Variants in IRAG1 observed in about 807,000 individuals in gnomAD.
IRAG1 encodes inositol 1,4,5-triphosphate receptor associated 1, also known as IP3R-associated cGMP kinase substrate.
IRAG1 carries 62 observed loss-of-function variants against 106.2 expected under a neutral mutation model. The ratio of observed to expected loss-of-function variants is 0.58; its 90% CI spans 0.48 to 0.72. IRAG1 has a LOEUF of 0.72. Among genes scored for constraint, IRAG1 ranks in the 30% least tolerant of loss-of-function variants. IRAG1 has a pLI of 0.00. For synonymous variants in IRAG1, 462 were observed against 443.9 expected (o/e 1.04, Z -0.51); for missense variants, 1,064 against 1,140.7 (o/e 0.93, Z 0.97).
chr11:10,679,545 C>T (rs183825328), intron 1 of IRAG1, among the ~76,000 whole-genome samples: 4 of 152,322 alleles, frequency 2.6e-5, no homozygotes, highest in East Asian at 3.9e-4. Context: ...GGATTGAAGC[C>T]GTCAGAGCCC....
rs1450758722 is a variant in IRAG1 at position 10,647,883 on chromosome 11, G to A, written c.225+4142C>T. ...AGACTGAAGAAACTAGAGAAAAAGA[G>A]ACTCTGAGAAGACTCAGAACTGCCT... On this transcript the variant is annotated intron_variant, in intron 2 of 20. Transcript: ENST00000423302. The surrounding 1 kb of genome is among the most constrained non-coding windows in gnomAD (Gnocchi z 4.3). 1.3e-5 allele frequency among the ~76,000 whole-genome samples: 2 copies of A among 152,176 alleles called. No individual in the cohort carries two copies. Among genetic ancestry groups the A allele is most frequent in the Non-Finnish European group, 2.9e-5 (2 of 68,036 alleles).
At chr11:10,680,435 A>G (rs1168745139) in intron 1 of IRAG1, among the ~76,000 whole-genome samples, 1 of 147,326 alleles carries the variant, frequency 6.8e-6, no homozygotes, top group African/African-American at 2.5e-5. Flanking sequence ...AAGAGAGGGA[A>G]GGAAGGAAAG....
At chr11:10,649,533 G>C (rs1352907326) in intron 2 of IRAG1, among the ~76,000 whole-genome samples, 2 of 152,194 alleles carry the variant, frequency 1.3e-5, no homozygotes, top group African/African-American at 4.8e-5. Flanking sequence ...ATGTAGAGGA[G>C]CTGGGATTGA....
chr11:10,603,545 G>A (rs1591592131), intron 13 of IRAG1, among the ~76,000 whole-genome samples: 1 of 152,226 alleles, frequency 6.6e-6, no homozygotes, highest in East Asian at 1.9e-4. Flanking sequence ...CATGCTCTCA[G>A]GCAGCTCACC....
chr11:10,627,761 C>T lies in IRAG1; in HGVS notation c.706-1G>A, dbSNP rs762695681. On this transcript the variant is annotated splice_acceptor_variant, in intron 7 of 20. Coordinates refer to ENST00000423302, the MANE Select transcript of IRAG1 (RefSeq NM_130385.4). LOFTEE classifies it high-confidence loss of function. ...AAGAGACGTCGGCCTCATCCCCCTTCTGCTGGAGAAGGTGAACAGGAGTCA... is the reference window on the plus strand; with the variant it reads ...AAGAGACGTCGGCCTCATCCCCCTTTTGCTGGAGAAGGTGAACAGGAGTCA... The T allele has an allele frequency of 8.1e-6, 13 of 1,613,990 alleles. No homozygotes were observed. The South Asian group carries it at 1.2e-4, about 15-fold the overall frequency.
At chr11:10,664,037 A>G (rs722274) in intron 1 of IRAG1, among the ~76,000 whole-genome samples, 41,414 of 152,004 alleles carry the variant, frequency 0.27, 6,806 homozygotes, top group East Asian at 0.81. Flanking sequence ...CTTAGCAAAG[A>G]CAGAACAAGG....
At chr11:10,582,703 C>G (rs1851519433) in intron 18 of IRAG1, among the ~76,000 whole-genome samples, 1 of 152,090 alleles carries the variant, frequency 6.6e-6, no homozygotes, top group Admixed American at 6.5e-5. Context: ...TGCTTGTAAT[C>G]CCAGCACTTT....
chr11:10,577,972 A>C (rs1591527928), intron 20 of IRAG1, among the ~76,000 whole-genome samples: 1 of 152,342 alleles, frequency 6.6e-6, no homozygotes, highest in East Asian at 1.9e-4. Context: ...GATTCTCTAG[A>C]TTCTATTTAG....
intron 2 of IRAG1, among the ~76,000 whole-genome samples, chr11:10,645,093 CT>C (rs1281292728): frequency 6.6e-6 from 1 of 152,146 alleles, no homozygotes; most frequent in East Asian, 1.9e-4. Context: ...AGTGAGCTTC[CT>C]GAGAGCAGGA....
intron 2 of IRAG1, among the ~76,000 whole-genome samples, chr11:10,635,589 G>T (rs1490112723): frequency 6.6e-6 from 1 of 152,264 alleles, no homozygotes; most frequent in African/African-American, 2.4e-5. Flanking sequence ...GTGTGCAGGT[G>T]TTGGTTCCCT....
chr11:10,634,969 G>C (rs1260437547), intron 2 of IRAG1, among the ~76,000 whole-genome samples: 1 of 152,176 alleles, frequency 6.6e-6, no homozygotes, highest in Non-Finnish European at 1.5e-5. Context: ...CCTCACCTGA[G>C]CTTAACACGG....
intron 10 of IRAG1, among the ~76,000 whole-genome samples, chr11:10,615,224 A>G (rs1855300112): frequency 6.6e-6 from 1 of 152,226 alleles, no homozygotes; most frequent in Non-Finnish European, 1.5e-5. Flanking sequence ...AATCAAAACC[A>G]CAATGAGATA....
At chr11:10,582,084 G>T (rs775423489) in intron 18 of IRAG1, 98 bp from the exon 19 acceptor site, 52 of 1,409,866 alleles carry the variant, frequency 3.7e-5, no homozygotes, top group Admixed American at 4.9e-5. Flanking sequence ...TAGGAGTGAG[G>T]AAACTCAGGC....
chr11:10,680,368 A>AGAAAGAAAGAAG (rs1186897932), intron 1 of IRAG1, among the ~76,000 whole-genome samples: 1 of 80,960 alleles, frequency 1.2e-5, no homozygotes, highest in Non-Finnish European at 2.3e-5. Context: ...AAAGAAAGAA[A>AGAAAGAAAGAAG]GAAGGAAGGA....
chr11:10,628,162 G>A lies in IRAG1; in HGVS notation c.653-137C>T. ...AAGATTTGCTGACTACCTCCCGTGT[G>A]CCAGGTTCTCAGGTGGGCCCTCACA... On this transcript the variant is annotated intron_variant, in intron 6 of 20. Transcript: ENST00000423302. The surrounding 1 kb of genome is among the most constrained non-coding windows in gnomAD (Gnocchi z 4.1). 1 of 925,200 alleles carries A rather than the reference G, an allele frequency of 1.1e-6. No individual in the cohort carries two copies. The highest frequency in any genetic ancestry group is 1.7e-6 in the Non-Finnish European group (1 of 576,504). 57.3% of individuals were successfully genotyped at this position (925,200 alleles called of 1,614,324 possible).
intron 10 of IRAG1, chr11:10,617,190 C>T (rs1855500947): frequency 1.0e-6 from 1 of 985,362 alleles, no homozygotes; most frequent in Non-Finnish European, 1.2e-6. Context: ...CAACTACCTT[C>T]TAGACGTTGC....
intron 15 of IRAG1, among the ~76,000 whole-genome samples, chr11:10,599,252 T>C (rs1284502149): frequency 6.6e-6 from 1 of 152,226 alleles, no homozygotes; most frequent in African/African-American, 2.4e-5. Flanking sequence ...TGTGACTGTG[T>C]GCCCTTTACC....
chr11:10,676,557 G>A (rs957420949), intron 1 of IRAG1, among the ~76,000 whole-genome samples: 4 of 152,150 alleles, frequency 2.6e-5, no homozygotes, highest in African/African-American at 4.8e-5. Flanking sequence ...CATTCAGTTC[G>A]GTGACTTCTG....
rs1030233548 is a variant in IRAG1, at chr11:10,573,753, C to T, written c.*2579G>A. ...GAAACAAAGGTAGGAAACTTGTGAC[C>T]AAGTGAACAATGGGGCCAGCTGAGC... On this transcript the variant is annotated 3_prime_UTR_variant, in exon 21 of 21. Coordinates refer to ENST00000423302, the MANE Select transcript of IRAG1 (RefSeq NM_130385.4). The T allele has an allele frequency of 6.6e-6, 1 of 152,294 alleles. No homozygotes were observed. The highest frequency in any genetic ancestry group is 2.1e-4 in the South Asian group (1 of 4,830). The allele number at this position is 152,294 out of a possible 1,614,324, so 9.4% of individuals were successfully genotyped here. A position where few individuals can be genotyped will look rare whatever the true frequency, so the allele number is the denominator to read the frequency against.
Sources: gnomAD v4.1 joint callset for allele counts (sites outside exome capture counted in the v4.1 genomes callset) on GRCh38, gnomAD v4.1.1 for gene constraint, Gnocchi (gnomAD v3.1) non-coding constraint, MANE v1.5 for transcripts, NCBI Gene and HGNC (gene_info 2026-07-23, HGNC 2026-07-21) for gene names.